The following SLC4A11 variants were observed in gnomAD, a reference collection of about 807,000 sequenced individuals.
SLC4A11 encodes solute carrier family 4 member 11, also known as bicarbonate transporter related protein 1.
In SLC4A11, 74 loss-of-function variants were observed where a neutral mutation model predicts 95.0. That is an observed-to-expected ratio of 0.78 (90% CI 0.65 to 0.95). The LOEUF is 0.95. SLC4A11 is among the 40% of genes least tolerant of loss of function. The pLI is 0.00. For missense variants in SLC4A11, 1,081 were observed against 1,192.4 expected (o/e 0.91, Z 1.38); for synonymous variants, 548 against 519.0 (o/e 1.06, Z -0.76).
chr20:3,227,528 C>A lies in SLC4A11; in HGVS notation c.*259G>T. 1 of 542,248 alleles carries A rather than the reference C, an allele frequency of 1.8e-6. No homozygotes were observed. Among genetic ancestry groups the A allele is most frequent in the South Asian group, 2.2e-5 (1 of 45,546 alleles). 33.6% of individuals were successfully genotyped at this position (542,248 alleles called of 1,614,324 possible). On this transcript the variant is annotated 3_prime_UTR_variant, in exon 20 of 20. Coordinates refer to ENST00000642402, the MANE Select transcript of SLC4A11 (RefSeq NM_001174089.2). ...ATCGACTCTTTTATCAAAAGAAAAT[C>A]CATCCTGCTCAGTCCCACCCACCCT...
At chr20:3,238,840 CA>C (rs2068070688) in intron 1 of SLC4A11, 1 of 1,209,344 alleles carries the variant, frequency 8.3e-7, no homozygotes, top group Non-Finnish European at 1.0e-6. Flanking sequence ...ATCAGCTGTT[CA>C]AACCTGGTAA....
At chr20:3,227,959 C>T (rs1345703120) in intron 19 of SLC4A11, 103 bp from the exon 20 acceptor site, 28 of 1,059,270 alleles carry the variant, frequency 2.6e-5, no homozygotes, top group Non-Finnish European at 3.6e-5. Context: ...GGCTAGGCCT[C>T]TCCTCCCCGC....
rs2067759446 is a variant in SLC4A11, at chr20:3,231,181, CTG to C, written c.1008_1009del (p.Arg337ValfsTer10). Reference sequence around the variant, plus strand: ...GAAGTCCAAGGGGTACAAGGGGAACCTGCGTGCGATGTCCTCCCGGATGCCCT... The same window carrying C: ...GAAGTCCAAGGGGTACAAGGGGAACCCGTGCGATGTCCTCCCGGATGCCCT... On this transcript the variant is annotated frameshift_variant, in exon 9 of 20. Coordinates refer to ENST00000642402, the MANE Select transcript of SLC4A11 (RefSeq NM_001174089.2). LOFTEE classifies it high-confidence loss of function. The surrounding 1 kb of genome is among the most constrained non-coding windows in gnomAD (Gnocchi z 5.2). 6.2e-7 allele frequency: 1 copy of C among 1,614,032 alleles called. No homozygotes were observed. Among genetic ancestry groups the C allele is most frequent in the Non-Finnish European group, 8.5e-7 (1 of 1,180,028 alleles).
At position 3,228,249 on chromosome 20, in the gene SLC4A11, C is replaced by A. The variant is rs775793672; in HGVS notation, c.2558+10G>T. On this transcript the variant is annotated intron_variant, in intron 19 of 19. Transcript: ENST00000642402. ...TGGGCCCCTCCTGCCCACTGCCCACCCGCCTGTACCGGATGGGGATCATGG... is the reference window on the plus strand; with the variant it reads ...TGGGCCCCTCCTGCCCACTGCCCACACGCCTGTACCGGATGGGGATCATGG... 1 of 1,612,104 alleles carries A rather than the reference C, an allele frequency of 6.2e-7. No individual in the cohort carries two copies. Among genetic ancestry groups the A allele is most frequent in the South Asian group, 1.1e-5 (1 of 91,006 alleles).
intron 2 of SLC4A11, 39 bp downstream of exon 2, chr20:3,237,505 G>A (rs2068018339): frequency 6.2e-7 from 1 of 1,605,860 alleles, no homozygotes; most frequent in Non-Finnish European, 8.5e-7. Context: ...TGCCCGACAA[G>A]CTCTCTCTGC....
At chr20:3,238,145 C>T (rs6037509) in intron 1 of SLC4A11, 38,289 of 1,445,464 alleles carry the variant, frequency 0.026, 624 homozygotes, top group African/African-American at 0.078. Context: ...AGTCCTGGGA[C>T]CGCGTCCCGG....
In SLC4A11 at chr20:3,234,393, G is replaced by T; in HGVS notation, c.292-79C>A. On this transcript the variant is annotated intron_variant, in intron 4 of 19. Transcript: ENST00000642402. The surrounding 1 kb of genome is among the most constrained non-coding windows in gnomAD (Gnocchi z 5.8). ...CTGCCTGGTCCCTCCCTCCCAGCCA[G>T]CCGCAGCAGTCCAGCCCCCAGCCCC... The T allele has an allele frequency of 6.9e-7, 1 of 1,445,886 alleles. No homozygotes were observed. 89.6% of individuals were successfully genotyped at this position (1,445,886 alleles called of 1,614,324 possible).
chr20:3,234,228 G>A lies in SLC4A11; in HGVS notation c.378C>T (p.Asn126=), dbSNP rs750376981. 29 of 1,613,940 alleles carry A rather than the reference G, an allele frequency of 1.8e-5. No homozygotes were observed. Among genetic ancestry groups the A allele is most frequent in the East Asian group, 4.5e-5 (2 of 44,894 alleles). The part of the protein sequence containing the change: ...GFLAQASIVL[N]ETATSLDNVL... ...CGTTATCCAGGGAGGTGGCCGTCTCGTTCAGGACGATGCTGGCCTGCGCCA... is the reference window on the plus strand; with the variant it reads ...CGTTATCCAGGGAGGTGGCCGTCTCATTCAGGACGATGCTGGCCTGCGCCA... Residue 126 remains asparagine (N), a synonymous_variant, in exon 5 of 20, where the codon AAC becomes AAT. Coordinates refer to ENST00000642402, the MANE Select transcript of SLC4A11 (RefSeq NM_001174089.2). The surrounding 1 kb of genome is among the most constrained non-coding windows in gnomAD (Gnocchi z 5.8).
At chr20:3,230,004 C>T (rs530164557) in intron 13 of SLC4A11, among the ~76,000 whole-genome samples, 183 bp downstream of exon 13, 10 of 152,304 alleles carry the variant, frequency 6.6e-5, no homozygotes, top group Middle Eastern at 3.4e-3. Flanking sequence ...GGGGCGGCCC[C>T]GTCACCCTCC....
Position 3,235,280 on chromosome 20 carries a change from G to GTGTC in SLC4A11, c.89-387_89-386insGACA, listed in dbSNP as rs1491325155. ...AAGGCAGAGAAGCTGCAGTATCCACGTCTCTCTCTCTCTCTCTCTCTCTCT... is the reference window on the plus strand; with the variant it reads ...AAGGCAGAGAAGCTGCAGTATCCACGTGTCTCTCTCTCTCTCTCTCTCTCTCTCT... On this transcript the variant is annotated intron_variant, in intron 2 of 19. Coordinates refer to ENST00000642402, the MANE Select transcript of SLC4A11 (RefSeq NM_001174089.2). Among the ~76,000 whole-genome samples the GTGTC allele has an allele frequency of 5.5e-3, 553 of 101,024 alleles. 5 individuals carry two copies. The highest frequency in any genetic ancestry group is 0.024 in the African/African-American group (522 of 21,784). The allele number at this position is 101,024 out of a possible 152,430, so 66.3% of individuals were successfully genotyped here.
upstream of SLC4A11, chr20:3,239,253 G>A (rs1284441436): frequency 9.5e-6 from 12 of 1,268,384 alleles, no homozygotes; most frequent in African/African-American, 1.3e-4. Flanking sequence ...CCCCCACGCC[G>A]CGCCTGGGTC....
Position 3,234,164 on chromosome 20 carries a change from C to A in SLC4A11, c.442G>T (p.Asp148Tyr), listed in dbSNP as rs145060698. The change falls in exon 5 of 20, where the codon GAC (aspartate) becomes TAC (tyrosine). Residue 148 changes from aspartate (D) to tyrosine (Y), a missense_variant. Transcript: ENST00000642402. The surrounding 1 kb of genome is among the most constrained non-coding windows in gnomAD (Gnocchi z 5.8). ...TMLRRFARDPDNNEPNCNLDL... is the reference protein window; with the variant it reads ...TMLRRFARDPYNNEPNCNLDL... The stretch of plus-strand genomic sequence containing the variant: ...AGGTTGCAGTTGGGCTCATTGTTGT[C>A]AGGGTCCCTGGCGAAGCGGCGAAGC... 1 of 1,614,134 alleles carries A rather than the reference C, an allele frequency of 6.2e-7. No homozygotes were observed. Among genetic ancestry groups the A allele is most frequent in the African/African-American group, 1.3e-5 (1 of 75,054 alleles).
intron 12 of SLC4A11, 33 bp from the exon 13 acceptor site, chr20:3,230,293 G>A: frequency 6.2e-7 from 1 of 1,612,278 alleles, no homozygotes; most frequent in Non-Finnish European, 8.5e-7. Context: ...ATCAGAGTGG[G>A]TGTGGTCAGG....
intron 6 of SLC4A11, 48 bp from the exon 7 acceptor site, chr20:3,233,685 T>TG (rs747676812): frequency 1.7e-5 from 27 of 1,605,850 alleles, no homozygotes; most frequent in African/African-American, 2.7e-5. Context: ...CCCAGGGAGC[T>TG]GGGGCTCCCC....
chr20:3,230,819 T>A lies in SLC4A11; in HGVS notation c.1195A>T (p.Ser399Cys). ...AGCGCGTAGAGCAGGCCCCCGATGCTCTGCCCGGCTATGGTCTTCTGCACG... is the reference window on the plus strand; with the variant it reads ...AGCGCGTAGAGCAGGCCCCCGATGCACTGCCCGGCTATGGTCTTCTGCACG... ...IDVQKTIAGQ[S>C]IGGLLYALFS... Residue 399 changes from serine (S) to cysteine (C), a missense_variant, in exon 11 of 20, where the codon AGC becomes TGC. Transcript: ENST00000642402. 1 of 1,613,246 alleles carries A rather than the reference T, an allele frequency of 6.2e-7. No homozygotes were observed. The highest frequency in any genetic ancestry group is 8.5e-7 in the Non-Finnish European group (1 of 1,179,912).
At position 3,229,397 on chromosome 20, in the gene SLC4A11, C is replaced by T. The variant is rs764537629; in HGVS notation, c.1798G>A (p.Ala600Thr). ...EILSDCALPIAVLAFSLISSH... is the reference protein window; with the variant it reads ...EILSDCALPITVLAFSLISSH... ...CTGATGAGGGAGAAGGCGAGCACCG[C>T]GATGGGCAGGGCGCAGTCGGACAGG... is the stretch of plus-strand genomic sequence containing the variant. The change falls in exon 15 of 20, where the codon GCG becomes ACG. Residue 600 changes from alanine to threonine, a missense_variant. By Grantham distance (58) the Ala-to-Thr change is moderately conservative. Transcript: ENST00000642402. The T allele has an allele frequency of 6.2e-7, 1 of 1,613,316 alleles. No homozygotes were observed. The highest frequency in any genetic ancestry group is 1.7e-5 in the Admixed American group (1 of 60,034).
Position 3,230,213 on chromosome 20 carries a change from A to G in SLC4A11, c.1463T>C (p.Leu488Pro). 1.2e-6 allele frequency: 2 copies of G among 1,613,596 alleles called. No homozygotes were observed. Among genetic ancestry groups the G allele is most frequent in the Non-Finnish European group, 1.7e-6 (2 of 1,180,026 alleles). The change falls in exon 13 of 20, where the codon CTG becomes CCG. Residue 488 changes from leucine (L) to proline (P), a missense_variant. Leu to Pro is a moderately conservative substitution (Grantham distance 98). Around this residue, in one of 3 missense-constraint regions of SLC4A11, gnomAD observed 767 missense variants for 858.0 expected, o/e 0.89. Coordinates refer to ENST00000642402, the MANE Select transcript of SLC4A11 (RefSeq NM_001174089.2). ...IALFISITFVLDAVKGTVKIF... is the reference protein window; with the variant it reads ...IALFISITFVPDAVKGTVKIF... ...TTTAACCGTGCCCTTGACGGCATCCAGCACAAACGTGATGGAAATGAAGAG... is the reference window on the plus strand; with the variant it reads ...TTTAACCGTGCCCTTGACGGCATCCGGCACAAACGTGATGGAAATGAAGAG...
chr20:3,238,508 C>T, intron 1 of SLC4A11: 1 of 996,478 alleles, frequency 1.0e-6, no homozygotes, highest in Non-Finnish European at 1.2e-6. Flanking sequence ...ACTCCGCTTC[C>T]GTCCCGGCGG....
At chr20:3,236,383 T>C (rs1021242311) in intron 2 of SLC4A11, among the ~76,000 whole-genome samples, 11 of 152,168 alleles carry the variant, frequency 7.2e-5, no homozygotes, top group Non-Finnish European at 1.2e-4. Flanking sequence ...GAGACCATCC[T>C]GGCTAACAAT....
Sources: allele counts gnomAD v4.1 joint callset (sites outside exome capture counted in the v4.1 genomes callset), GRCh38; gene constraint gnomAD v4.1.1; regional missense constraint gnomAD v4.1.1; non-coding constraint Gnocchi (gnomAD v3.1); transcripts MANE v1.5; gene names NCBI Gene and HGNC (gene_info 2026-07-23, HGNC 2026-07-21).